Variants in PTPRD observed in about 807,000 individuals in gnomAD.
PTPRD encodes receptor-type tyrosine-protein phosphatase delta.
Under a neutral mutation model 214.5 loss-of-function variants are expected in PTPRD, and 34 were observed. The observed-to-expected ratio is 0.16, with a 90% CI of 0.12 to 0.21. The LOEUF (loss-of-function observed/expected upper bound fraction) is 0.21. Ranked by LOEUF, PTPRD falls within the 10% of genes least tolerant of loss-of-function variation. PTPRD has a pLI of 1.00. For synonymous variants in PTPRD, 1,128 were observed against 845.7 expected (o/e 1.33, Z -5.79); for missense variants, 2,545 against 2,398.7 (o/e 1.06, Z -1.27).
chr9:10,417,969 T>C (rs890280778), intron 2 of PTPRD, among the ~76,000 whole-genome samples: 3 of 151,838 alleles, frequency 2.0e-5, no homozygotes, highest in East Asian at 2.0e-4. Context: ...ATTTTACTTA[T>C]TTATGGAGTT....
chr9:9,330,119 T>C (rs943422834), intron 9 of PTPRD, among the ~76,000 whole-genome samples: 2 of 152,088 alleles, frequency 1.3e-5, no homozygotes, highest in Non-Finnish European at 2.9e-5. Context: ...ATCTTTTGTC[T>C]CAAACTCCAG....
chr9:9,711,912 G>A (rs1254287195), intron 7 of PTPRD, among the ~76,000 whole-genome samples: 2 of 152,150 alleles, frequency 1.3e-5, no homozygotes, highest in Non-Finnish European at 2.9e-5. Flanking sequence ...CTAACTATAT[G>A]AAGGGTTGTT....
intron 9 of PTPRD, among the ~76,000 whole-genome samples, chr9:9,337,305 G>A (rs1019302299): frequency 6.6e-6 from 1 of 152,130 alleles, no homozygotes; most frequent in African/African-American, 2.4e-5. Context: ...GGGAAAATCT[G>A]AGAGGCAGGT....
chr9:9,852,823 T>C (rs2060799256), intron 5 of PTPRD, among the ~76,000 whole-genome samples: 1 of 152,154 alleles, frequency 6.6e-6, no homozygotes, highest in South Asian at 2.1e-4. Context: ...ATTACAAAAC[T>C]CCAGGGAAGT....
intron 12 of PTPRD, among the ~76,000 whole-genome samples, chr9:8,644,277 G>T (rs972927026): frequency 6.6e-6 from 1 of 151,844 alleles, no homozygotes; most frequent in African/African-American, 2.4e-5. Flanking sequence ...TACCCTCTCT[G>T]ACAGGAGCTG....
chr9:9,555,176 AT>A (rs1311662227), intron 8 of PTPRD, among the ~76,000 whole-genome samples: 1 of 152,022 alleles, frequency 6.6e-6, no homozygotes, highest in African/African-American at 2.4e-5. Flanking sequence ...GAATATGTTC[AT>A]TTTTTTACAT....
chr9:8,356,318 C>T (rs982869990), intron 39 of PTPRD, among the ~76,000 whole-genome samples: 1 of 152,070 alleles, frequency 6.6e-6, no homozygotes, highest in Admixed American at 6.6e-5. Flanking sequence ...CAATAGAACC[C>T]AGATTGGAAA....
At position 9,272,663 on chromosome 9, in the gene PTPRD, G is replaced by C. The variant is rs577014849; in HGVS notation, c.-202-89300C>G. On this transcript the variant is annotated intron_variant, in intron 9 of 45. Coordinates refer to ENST00000381196, the MANE Select transcript of PTPRD (RefSeq NM_002839.4). Reference sequence around the variant, plus strand: ...TGTTTTTTAGCCATAAACATTTTGAGACTTTTCTGTCACCAGACTGCCTAC... The same window carrying C: ...TGTTTTTTAGCCATAAACATTTTGACACTTTTCTGTCACCAGACTGCCTAC... 3.3e-5 allele frequency among the ~76,000 whole-genome samples: 5 copies of C among 151,500 alleles called. No individual in the cohort carries two copies. The South Asian group carries it at 8.3e-4, about 25-fold the overall frequency.
intron 3 of PTPRD, among the ~76,000 whole-genome samples, chr9:10,227,580 T>A (rs113267626): frequency 2.6e-5 from 4 of 152,120 alleles, no homozygotes; most frequent in African/African-American, 7.2e-5. Context: ...AAGGTGATCC[T>A]CCTCAATGAT....
At chr9:9,143,040 G>A (rs2099862938) in intron 10 of PTPRD, among the ~76,000 whole-genome samples, 1 of 152,092 alleles carries the variant, frequency 6.6e-6, no homozygotes, top group Non-Finnish European at 1.5e-5. Flanking sequence ...CTGTCTCTGT[G>A]TTACAGTACC....
At chr9:8,562,941 C>A (rs902801259) in intron 14 of PTPRD, among the ~76,000 whole-genome samples, 3 of 149,352 alleles carry the variant, frequency 2.0e-5, no homozygotes, top group Non-Finnish European at 4.4e-5. Flanking sequence ...ATGAGTCAAA[C>A]TTAGTGTTTT....
At chr9:8,935,720 G>T (rs1356398614) in intron 11 of PTPRD, among the ~76,000 whole-genome samples, 2 of 152,218 alleles carry the variant, frequency 1.3e-5, no homozygotes, top group Non-Finnish European at 2.9e-5. Flanking sequence ...AATGCAGTAT[G>T]AAATGAGAAA....
At chr9:8,929,847 G>A (rs1465078688) in intron 11 of PTPRD, among the ~76,000 whole-genome samples, 2 of 107,556 alleles carry the variant, frequency 1.9e-5, no homozygotes, top group East Asian at 2.3e-4. Context: ...ATATATGTGT[G>A]TATATATATG....
intron 5 of PTPRD, among the ~76,000 whole-genome samples, chr9:9,834,936 T>C (rs551403000): frequency 6.8e-6 from 1 of 147,010 alleles, no homozygotes; most frequent in East Asian, 2.0e-4. Context: ...GGTACTTTTG[T>C]TTTTTTTTTG....
intron 8 of PTPRD, among the ~76,000 whole-genome samples, chr9:9,477,940 T>C (rs2095184701): frequency 6.6e-6 from 1 of 152,208 alleles, no homozygotes; most frequent in Admixed American, 6.5e-5. Flanking sequence ...GGAGATTGAT[T>C]TGTGTATCTT....
intron 2 of PTPRD, among the ~76,000 whole-genome samples, chr9:10,351,417 T>G (rs527564502): frequency 3.9e-4 from 60 of 152,246 alleles, no homozygotes; most frequent in Admixed American, 3.9e-3. Flanking sequence ...AAGAGTCACA[T>G]ACACACATCT....
In PTPRD at chr9:8,341,702, G is replaced by C. The variant is rs753384952; in HGVS notation, c.4938C>G (p.Leu1646=). The C allele has an allele frequency of 1.2e-5, 20 of 1,613,082 alleles. No homozygotes were observed. In the Admixed American group the frequency reaches 1.5e-4, roughly 12 times the overall value. Residue 1646 remains leucine, a synonymous_variant, in exon 40 of 46, where the codon CTC becomes CTG. Transcript: ENST00000381196. ...ACATCCAATACCATACCTTAAATTC[G>C]AGCTCCATTCCTGTGACATTCTCTC... ...ETGENVTGME[L]EFKRLASSKA...
At chr9:8,403,611 G>A (rs2092675931) in intron 36 of PTPRD, among the ~76,000 whole-genome samples, 1 of 152,168 alleles carries the variant, frequency 6.6e-6, no homozygotes, top group African/African-American at 2.4e-5. Flanking sequence ...AAAATGATCC[G>A]TCATGAATCC....
chr9:10,606,405 G>GA (rs929370118), intron 2 of PTPRD, among the ~76,000 whole-genome samples: 9 of 151,826 alleles, frequency 5.9e-5, no homozygotes, highest in African/African-American at 1.9e-4. Flanking sequence ...CAATTATTGG[G>GA]AAAAAATCCC....
Sources: gnomAD v4.1 joint callset for allele counts (sites outside exome capture counted in the v4.1 genomes callset) on GRCh38, gnomAD v4.1.1 for gene constraint, MANE v1.5 for transcripts, NCBI Gene and HGNC (gene_info 2026-07-23, HGNC 2026-07-21) for gene names.